Variants in IPCEF1 observed in about 807,000 individuals in gnomAD.
IPCEF1 encodes interactor protein for cytohesin exchange factors 1.
Under a neutral mutation model 50.9 loss-of-function variants are expected in IPCEF1, and 31 were observed. The ratio of observed to expected loss-of-function variants is 0.61; its 90% CI spans 0.46 to 0.82. IPCEF1 has a LOEUF of 0.82. Among genes scored for constraint, IPCEF1 ranks in the 40% least tolerant of loss-of-function variants. The pLI, the probability that IPCEF1 is intolerant of heterozygous loss-of-function variation, is 0.00. For missense variants in IPCEF1, 458 were observed against 514.0 expected (o/e 0.89, Z 1.05); for synonymous variants, 181 against 192.0 (o/e 0.94, Z 0.47).
chr6:154,292,222 C>G (rs1008290214), intron 1 of IPCEF1, among the ~76,000 whole-genome samples: 1 of 152,130 alleles, frequency 6.6e-6, no homozygotes, highest in African/African-American at 2.4e-5. Context: ...ACTGACTGTT[C>G]CTTCACAACT....
chr6:154,265,332 G>C (rs1044061127), intron 3 of IPCEF1, among the ~76,000 whole-genome samples: 4 of 151,760 alleles, frequency 2.6e-5, no homozygotes, highest in Non-Finnish European at 5.9e-5. Context: ...CCAGGCTGGA[G>C]TGCAGTGGCG....
chr6:154,300,776 C>T (rs1268337868), intron 1 of IPCEF1, among the ~76,000 whole-genome samples: 2 of 152,184 alleles, frequency 1.3e-5, no homozygotes, highest in Non-Finnish European at 2.9e-5. Context: ...TAGCAAATTA[C>T]TCTTGGATGA....
intron 2 of IPCEF1, among the ~76,000 whole-genome samples, chr6:154,270,768 G>A (rs1232826799): frequency 1.3e-5 from 2 of 152,086 alleles, no homozygotes; most frequent in East Asian, 1.9e-4. Flanking sequence ...TTGAGATCAC[G>A]AGTTCAAGAC....
intron 10 of IPCEF1, among the ~76,000 whole-genome samples, chr6:154,184,556 C>T (rs545766713): frequency 4.6e-5 from 7 of 151,694 alleles, no homozygotes; most frequent in South Asian, 4.2e-4. Context: ...TATATATATG[C>T]GCATTGGTAC....
chr6:154,231,537 G>A lies in IPCEF1; in HGVS notation c.247-8294C>T, dbSNP rs73567175. ...ATACACTGTGGTATCCACACACAGT[G>A]AATAACTATGAAAAACGCCATACAA... On this transcript the variant is annotated intron_variant, in intron 5 of 11. Coordinates refer to ENST00000367220, the MANE Select transcript of IPCEF1 (RefSeq NM_001130700.2). Among the ~76,000 whole-genome samples the A allele has an allele frequency of 4.6e-3, 702 of 152,328 alleles. 7 individuals carry two copies. Among genetic ancestry groups the A allele is most frequent in the African/African-American group, 0.016 (662 of 41,582 alleles).
At chr6:154,211,500 G>T (rs1451046760) in intron 9 of IPCEF1, among the ~76,000 whole-genome samples, 1 of 151,748 alleles carries the variant, frequency 6.6e-6, no homozygotes, top group Non-Finnish European at 1.5e-5. Context: ...GGACACTTGA[G>T]CATGCCATTC....
At chr6:154,302,159 T>C (rs1174940014) in intron 1 of IPCEF1, among the ~76,000 whole-genome samples, 2 of 152,238 alleles carry the variant, frequency 1.3e-5, no homozygotes, top group Non-Finnish European at 2.9e-5. Flanking sequence ...AAATGTTTAT[T>C]CCAGTCTTTA....
At chr6:154,266,771 G>T (rs1781767885) in intron 2 of IPCEF1, among the ~76,000 whole-genome samples, 1 of 151,902 alleles carries the variant, frequency 6.6e-6, no homozygotes, top group Admixed American at 6.6e-5. Flanking sequence ...TTTGCACTTT[G>T]TAGTGGGTTG....
chr6:154,266,354 C>T (rs1247358069), intron 2 of IPCEF1, among the ~76,000 whole-genome samples: 1 of 151,870 alleles, frequency 6.6e-6, no homozygotes, highest in African/African-American at 2.4e-5. Flanking sequence ...CACTGCACTC[C>T]AGCCTAAGTG....
chr6:154,353,992 C>T (rs1307773757), intron 1 of IPCEF1, among the ~76,000 whole-genome samples: 1 of 152,096 alleles, frequency 6.6e-6, no homozygotes, highest in Non-Finnish European at 1.5e-5. Context: ...ATGCACAAAG[C>T]ATAAAGAAAA....
intron 6 of IPCEF1, among the ~76,000 whole-genome samples, chr6:154,221,661 C>T (rs1390158510): frequency 6.6e-6 from 1 of 152,036 alleles, no homozygotes; most frequent in Non-Finnish European, 1.5e-5. Flanking sequence ...ATCACGAGGT[C>T]AGGAGATCGA....
At chr6:154,323,038 T>C (rs760307759) in intron 1 of IPCEF1, among the ~76,000 whole-genome samples, 1 of 152,210 alleles carries the variant, frequency 6.6e-6, no homozygotes, top group Admixed American at 6.5e-5. Context: ...TCTTTTTCGA[T>C]GTGACAAGTG....
chr6:154,316,599 T>A (rs1203762630), intron 1 of IPCEF1, among the ~76,000 whole-genome samples: 1 of 152,312 alleles, frequency 6.6e-6, no homozygotes, highest in East Asian at 1.9e-4. Flanking sequence ...AATAGGATGG[T>A]GGTTAGTTAC....
At chr6:154,284,919 G>A (rs1387199762) in intron 2 of IPCEF1, among the ~76,000 whole-genome samples, 1 of 152,028 alleles carries the variant, frequency 6.6e-6, no homozygotes, top group African/African-American at 2.4e-5. Flanking sequence ...ATAATCTCTT[G>A]AACCCAGGAG....
intron 1 of IPCEF1, among the ~76,000 whole-genome samples, chr6:154,355,404 A>G (rs1257632248): frequency 1.3e-5 from 2 of 152,222 alleles, no homozygotes; most frequent in Non-Finnish European, 2.9e-5. Flanking sequence ...ACACATACAC[A>G]AACTTACACC....
chr6:154,322,018 T>C (rs1025705409), intron 1 of IPCEF1, among the ~76,000 whole-genome samples: 1 of 152,070 alleles, frequency 6.6e-6, no homozygotes, highest in African/African-American at 2.4e-5. Flanking sequence ...AGACAATGAC[T>C]GTGTGGTTAC....
At chr6:154,169,047 C>T (rs1799660810) in intron 10 of IPCEF1, among the ~76,000 whole-genome samples, 2 of 151,750 alleles carry the variant, frequency 1.3e-5, no homozygotes, top group African/African-American at 4.8e-5. Context: ...ACCATCAACT[C>T]TAAGACCAAA....
intron 5 of IPCEF1, among the ~76,000 whole-genome samples, chr6:154,237,637 G>C (rs1162929991): frequency 6.6e-6 from 1 of 152,144 alleles, no homozygotes; most frequent in African/African-American, 2.4e-5. Context: ...CAAGAAAATA[G>C]ACGCATAGAC....
intron 1 of IPCEF1, among the ~76,000 whole-genome samples, chr6:154,331,400 A>AAAG (rs1783662687): frequency 2.9e-5 from 4 of 136,290 alleles, no homozygotes; most frequent in African/African-American, 5.4e-5. Context: ...AGAAAGAAAG[A>AAAG]AAGAAAGAGA....
Sources: gnomAD v4.1 joint callset for allele counts (sites outside exome capture counted in the v4.1 genomes callset) on GRCh38, gnomAD v4.1.1 for gene constraint, MANE v1.5 for transcripts, NCBI Gene and HGNC (gene_info 2026-07-23, HGNC 2026-07-21) for gene names.